Variants in KCNH7 observed in about 807,000 individuals in gnomAD.
KCNH7 encodes voltage-gated inwardly rectifying potassium channel KCNH7.
Under a neutral mutation model 120.8 loss-of-function variants are expected in KCNH7, and 49 were observed. The observed-to-expected ratio is 0.41, with a 90% CI of 0.32 to 0.51. The LOEUF is 0.51. Ranked by LOEUF, KCNH7 falls within the 20% of genes least tolerant of loss-of-function variation. KCNH7 has a pLI of 0.38. For missense variants in KCNH7, 1,097 were observed against 1,446.6 expected (o/e 0.76, Z 3.92); for synonymous variants, 547 against 516.1 (o/e 1.06, Z -0.81).
rs1685956358 is a variant in KCNH7 at position 162,371,806 on chromosome 2, G to T, written c.*23C>A. On this transcript the variant is annotated 3_prime_UTR_variant, in exon 16 of 16. Transcript: ENST00000332142. ...GCCATTAAAAGCACTTACATTGTAT[G>T]TGGAGTAAATAGTACAAAATGATTA... The T allele has an allele frequency of 8.8e-6, 14 of 1,591,678 alleles. No homozygotes were observed. The highest frequency in any genetic ancestry group is 1.1e-5 in the Non-Finnish European group (13 of 1,163,354).
At chr2:162,372,988 T>A (rs538734146) in intron 15 of KCNH7, among the ~76,000 whole-genome samples, 1 of 152,270 alleles carries the variant, frequency 6.6e-6, no homozygotes, top group East Asian at 1.9e-4. Context: ...CTGATGGCAT[T>A]TGAACCTCAG....
chr2:162,539,863 T>C (rs1237541059), intron 2 of KCNH7, among the ~76,000 whole-genome samples: 1 of 152,086 alleles, frequency 6.6e-6, no homozygotes, highest in Non-Finnish European at 1.5e-5. Context: ...TGAAAGGAGA[T>C]ACATGGAATT....
chr2:162,670,085 G>C (rs1685290592), intron 2 of KCNH7, among the ~76,000 whole-genome samples: 1 of 152,106 alleles, frequency 6.6e-6, no homozygotes. Context: ...TGGGCGACAA[G>C]AGCGAAACTC....
chr2:162,510,827 G>A (rs1691047299), intron 5 of KCNH7, among the ~76,000 whole-genome samples: 1 of 151,648 alleles, frequency 6.6e-6, no homozygotes, highest in Non-Finnish European at 1.5e-5. Context: ...AAAAATCTTA[G>A]AGGCAGACAC....
chr2:162,676,914 A>G (rs1165468167), intron 2 of KCNH7, among the ~76,000 whole-genome samples: 1 of 151,180 alleles, frequency 6.6e-6, no homozygotes, highest in African/African-American at 2.4e-5. Flanking sequence ...CAAGGATATC[A>G]TTTACGAAAA....
chr2:162,475,166 A>G (rs2032694), intron 6 of KCNH7, among the ~76,000 whole-genome samples: 11,243 of 152,250 alleles, frequency 0.074, 1,326 homozygotes, highest in African/African-American at 0.25. Context: ...ATATACTACA[A>G]GCCCCTGGAG....
At chr2:162,444,453 G>C (rs1688520397) in intron 7 of KCNH7, among the ~76,000 whole-genome samples, 1 of 152,100 alleles carries the variant, frequency 6.6e-6, no homozygotes, top group East Asian at 1.9e-4. Context: ...GCAGAGGATT[G>C]AACTAGATAA....
At chr2:162,435,618 A>T in intron 7 of KCNH7, 21 bp from the exon 8 acceptor site, 14 of 1,547,274 alleles carry the variant, frequency 9.0e-6, no homozygotes, top group Non-Finnish European at 1.1e-5. Flanking sequence ...AAATGTACAC[A>T]GTCAGAAACG....
intron 2 of KCNH7, among the ~76,000 whole-genome samples, chr2:162,581,950 C>G (rs1271856279): frequency 6.6e-6 from 1 of 152,058 alleles, no homozygotes; most frequent in African/African-American, 2.4e-5. Context: ...TGCACTCCCC[C>G]TCAAACTTCT....
At chr2:162,549,729 T>C (rs1214499250) in intron 2 of KCNH7, among the ~76,000 whole-genome samples, 1 of 152,210 alleles carries the variant, frequency 6.6e-6, no homozygotes, top group East Asian at 1.9e-4. Flanking sequence ...GATTAAAACT[T>C]AATAAGATAA....
intron 2 of KCNH7, among the ~76,000 whole-genome samples, chr2:162,756,342 C>T (rs1466285968): frequency 6.6e-6 from 1 of 152,116 alleles, no homozygotes; most frequent in Non-Finnish European, 1.5e-5. Context: ...CTGCTATACC[C>T]AGGACCTAGG....
chr2:162,431,195 T>C (rs909544928), intron 8 of KCNH7, among the ~76,000 whole-genome samples: 1 of 152,074 alleles, frequency 6.6e-6, no homozygotes, highest in African/African-American at 2.4e-5. Flanking sequence ...CTGATTGCCT[T>C]GTTTTCTACA....
chr2:162,694,477 AGTGTGTGTGTGTGT>A (rs71009366), intron 2 of KCNH7, among the ~76,000 whole-genome samples: 3 of 146,398 alleles, frequency 2.0e-5, no homozygotes, highest in South Asian at 2.2e-4. Flanking sequence ...TGTGTGAAAG[AGTGTGTGTGTGTGT>A]GTGTGTGTGT....
At chr2:162,701,380 A>G (rs1387210243) in intron 2 of KCNH7, among the ~76,000 whole-genome samples, 2 of 152,034 alleles carry the variant, frequency 1.3e-5, no homozygotes, top group African/African-American at 4.8e-5. Context: ...ATAAAATCAT[A>G]ATCTATTTTC....
intron 3 of KCNH7, among the ~76,000 whole-genome samples, chr2:162,524,639 C>G (rs1691640429): frequency 6.6e-6 from 1 of 151,906 alleles, no homozygotes; most frequent in Non-Finnish European, 1.5e-5. Context: ...AAATTTGAAG[C>G]CTTAAAATCA....
intron 3 of KCNH7, among the ~76,000 whole-genome samples, chr2:162,535,056 T>A (rs1692062405): frequency 6.6e-6 from 1 of 151,732 alleles, no homozygotes; most frequent in Non-Finnish European, 1.5e-5. Flanking sequence ...CACCCATTAT[T>A]AAAAAATTTA....
intron 2 of KCNH7, among the ~76,000 whole-genome samples, chr2:162,617,265 G>A (rs1315616430): frequency 1.3e-5 from 2 of 152,148 alleles, no homozygotes; most frequent in African/African-American, 4.8e-5. Flanking sequence ...AGATCACGAG[G>A]TCAGGAGATC....
chr2:162,810,365 A>G (rs1684696561), intron 2 of KCNH7, among the ~76,000 whole-genome samples: 1 of 152,216 alleles, frequency 6.6e-6, no homozygotes, highest in Non-Finnish European at 1.5e-5. Flanking sequence ...TCTGAAGTGG[A>G]GAGAAAAGTG....
At chr2:162,393,697 T>C (rs563801812) in intron 12 of KCNH7, among the ~76,000 whole-genome samples, 2 of 152,004 alleles carry the variant, frequency 1.3e-5, no homozygotes, top group East Asian at 3.9e-4. Flanking sequence ...TCAAAGCTTC[T>C]TCAGGAAAAC....
Sources: allele counts gnomAD v4.1 joint callset (sites outside exome capture counted in the v4.1 genomes callset), GRCh38; gene constraint gnomAD v4.1.1; transcripts MANE v1.5; gene names NCBI Gene and HGNC (gene_info 2026-07-23, HGNC 2026-07-21).